The following LYPD6 variants were observed in gnomAD, a reference collection of about 807,000 sequenced individuals.
The protein encoded by LYPD6 is ly6/PLAUR domain-containing protein 6.
Under a neutral mutation model 22.7 loss-of-function variants are expected in LYPD6, and 15 were observed. That is an observed-to-expected ratio of 0.66 (90% CI 0.44 to 1.02). The LOEUF is 1.02. Among genes scored for constraint, LYPD6 ranks in the 50% least tolerant of loss-of-function variants. The pLI, the probability that LYPD6 is intolerant of heterozygous loss-of-function variation, is 0.00. For missense variants in LYPD6, 189 were observed against 208.4 expected (o/e 0.91, Z 0.57); for synonymous variants, 72 against 77.5 (o/e 0.93, Z 0.37).
At chr2:149,401,179 T>C (rs1368203942) in intron 1 of LYPD6, among the ~76,000 whole-genome samples, 5 of 152,198 alleles carry the variant, frequency 3.3e-5, no homozygotes, top group Non-Finnish European at 7.3e-5. Context: ...CACTTACGTC[T>C]CATTGATCAG....
intron 1 of LYPD6, among the ~76,000 whole-genome samples, chr2:149,333,475 T>C (rs761420168): frequency 3.3e-5 from 5 of 152,364 alleles, no homozygotes; most frequent in Non-Finnish European, 5.9e-5. Context: ...GATTCAAGTC[T>C]TGTCTTCACA....
chr2:149,454,398 T>C (rs1004210848), intron 3 of LYPD6, among the ~76,000 whole-genome samples: 3 of 152,212 alleles, frequency 2.0e-5, no homozygotes, highest in African/African-American at 4.8e-5. Flanking sequence ...TTTCAAACAT[T>C]ATGTATGTGG....
intron 1 of LYPD6, among the ~76,000 whole-genome samples, chr2:149,372,620 G>C (rs369832214): frequency 6.6e-6 from 1 of 152,184 alleles, no homozygotes; most frequent in East Asian, 1.9e-4. Flanking sequence ...AACTTGCAGA[G>C]CATTCAAAGA....
At chr2:149,338,039 A>T (rs556236222) in intron 1 of LYPD6, among the ~76,000 whole-genome samples, 2 of 142,390 alleles carry the variant, frequency 1.4e-5, no homozygotes, top group South Asian at 4.2e-4. Context: ...GTTGATGAGC[A>T]TTTAGGTTGA....
chr2:149,445,538 T>A (rs1347580735), intron 2 of LYPD6, among the ~76,000 whole-genome samples: 1 of 152,232 alleles, frequency 6.6e-6, no homozygotes, highest in Non-Finnish European at 1.5e-5. Flanking sequence ...CTGGATAACT[T>A]GCTGCAACTT....
chr2:149,346,502 A>G (rs1364561336), intron 1 of LYPD6, among the ~76,000 whole-genome samples: 2 of 152,192 alleles, frequency 1.3e-5, no homozygotes, highest in Non-Finnish European at 2.9e-5. Context: ...ATGCTCAAAC[A>G]TTTTATGGAT....
chr2:149,405,048 G>A lies in LYPD6; in HGVS notation c.-71-32590G>A, dbSNP rs548911864. 1.8e-3 allele frequency among the ~76,000 whole-genome samples: 270 copies of A among 152,174 alleles called. 6 individuals are homozygous for A. In the South Asian group the frequency reaches 0.037, roughly 21 times the overall value. ...TGCTGGATTACATTTATTAATTTGC[G>A]TATATTGAACCAGCCTTGCATCCCA... On this transcript the variant is annotated intron_variant, in intron 1 of 4. Coordinates refer to ENST00000334166, the MANE Select transcript of LYPD6 (RefSeq NM_194317.5).
At chr2:149,350,818 A>G (rs915789092) in intron 1 of LYPD6, among the ~76,000 whole-genome samples, 1 of 152,228 alleles carries the variant, frequency 6.6e-6, no homozygotes, top group African/African-American at 2.4e-5. Context: ...AAAGCTAACA[A>G]TTCATCTTGG....
intron 2 of LYPD6, among the ~76,000 whole-genome samples, chr2:149,443,732 TAATTC>T (rs1683618418): frequency 6.6e-6 from 1 of 152,126 alleles, no homozygotes; most frequent in Admixed American, 6.6e-5. Context: ...TTTGTTTTTT[TAATTC>T]TTCAGCCATG....
the LYPD6 span, among the ~76,000 whole-genome samples, chr2:149,483,484 T>TGG: frequency 1.3e-5 from 2 of 152,212 alleles, no homozygotes; most frequent in African/African-American, 4.8e-5. Flanking sequence ...GACCTCTTCC[T>TGG]TCTTTCAGAA....
At chr2:149,386,181 T>C (rs1283994458) in intron 1 of LYPD6, among the ~76,000 whole-genome samples, 3 of 152,208 alleles carry the variant, frequency 2.0e-5, no homozygotes, top group Non-Finnish European at 2.9e-5. Context: ...GCTATAATTA[T>C]AAGGAAAGGA....
Position 149,458,172 on chromosome 2 carries a change from C to T in LYPD6, c.217+9025C>T, listed in dbSNP as rs568695084. ...GTAATGAGATGTCCCAACCTTTCTG[C>T]TTGGGATTGTGTCAGAGAAGGACAA... On this transcript the variant is annotated intron_variant, in intron 3 of 4. Coordinates refer to ENST00000334166, the MANE Select transcript of LYPD6 (RefSeq NM_194317.5). 2.1e-4 allele frequency among the ~76,000 whole-genome samples: 32 copies of T among 152,290 alleles called. No homozygotes were observed. In the South Asian group the frequency reaches 6.0e-3, roughly 29 times the overall value.
At chr2:149,347,696 A>G (rs1681282998) in intron 1 of LYPD6, among the ~76,000 whole-genome samples, 2 of 152,082 alleles carry the variant, frequency 1.3e-5, no homozygotes, top group African/African-American at 2.4e-5. Flanking sequence ...ACTATCTCTT[A>G]TTGGTGATTT....
chr2:149,446,574 C>T (rs1485608840), intron 2 of LYPD6, among the ~76,000 whole-genome samples: 1 of 152,000 alleles, frequency 6.6e-6, no homozygotes, highest in African/African-American at 2.4e-5. Context: ...GACATTTTCC[C>T]CCTATTAAAA....
At chr2:149,414,969 G>A (rs1682930758) in intron 1 of LYPD6, among the ~76,000 whole-genome samples, 1 of 152,168 alleles carries the variant, frequency 6.6e-6, no homozygotes, top group South Asian at 2.1e-4. Context: ...CATTAAAAAT[G>A]CAGTGATCTT....
intron 3 of LYPD6, among the ~76,000 whole-genome samples, chr2:149,458,962 A>G (rs1681027987): frequency 6.6e-6 from 1 of 152,218 alleles, no homozygotes; most frequent in Admixed American, 6.5e-5. Flanking sequence ...GCTGTAACAA[A>G]TGTTTTAACA....
intron 1 of LYPD6, among the ~76,000 whole-genome samples, chr2:149,388,735 C>T (rs1682243538): frequency 6.6e-6 from 1 of 152,166 alleles, no homozygotes. Context: ...CTATTCTTTA[C>T]ACATTCTTAA....
chr2:149,389,371 C>T (rs1251291116), intron 1 of LYPD6, among the ~76,000 whole-genome samples: 3 of 152,020 alleles, frequency 2.0e-5, no homozygotes, highest in South Asian at 4.2e-4. Context: ...ATTAAGACAC[C>T]TGAAGAGATT....
At chr2:149,416,889 G>A (rs1031202760) in intron 1 of LYPD6, among the ~76,000 whole-genome samples, 2 of 152,204 alleles carry the variant, frequency 1.3e-5, no homozygotes, top group African/African-American at 4.8e-5. Context: ...CTGCTTATGA[G>A]TGGTGCGATA....
Sources: allele counts gnomAD v4.1 joint callset (sites outside exome capture counted in the v4.1 genomes callset), GRCh38; gene constraint gnomAD v4.1.1; transcripts MANE v1.5; gene names NCBI Gene and HGNC (gene_info 2026-07-23, HGNC 2026-07-21).